RBBP8: variants seen among roughly 807,000 people sequenced by gnomAD.
RBBP8 encodes the protein DNA endonuclease RBBP8.
A neutral mutation model predicts 108.3 loss-of-function variants in RBBP8; 88 were observed. The observed-to-expected ratio is 0.81, with a 90% CI of 0.68 to 0.97. The LOEUF is 0.97. RBBP8 is among the 50% of genes least tolerant of loss of function. The pLI, the probability that RBBP8 is intolerant of heterozygous loss-of-function variation, is 0.00. For missense variants in RBBP8, 1,023 were observed against 1,049.0 expected (o/e 0.98, Z 0.34); for synonymous variants, 332 against 348.2 (o/e 0.95, Z 0.52).
chr18:22,938,297 G>GTTTGTT (rs139108773), intron 2 of RBBP8, among the ~76,000 whole-genome samples: 4 of 151,900 alleles, frequency 2.6e-5, no homozygotes, highest in Non-Finnish European at 4.4e-5. Flanking sequence ...TGCCCAGCTA[G>GTTTGTT]TTTGTTTTTG....
chr18:22,971,641 CTTTT>C (rs919907678), intron 5 of RBBP8, among the ~76,000 whole-genome samples: 3 of 109,276 alleles, frequency 2.7e-5, no homozygotes, highest in African/African-American at 1.1e-4. Flanking sequence ...TGTTTAATTT[CTTTT>C]TTTTTTTTTT....
chr18:22,982,518 T>C, intron 7 of RBBP8, 125 bp downstream of exon 7: 1 of 1,535,662 alleles, frequency 6.5e-7, no homozygotes. Flanking sequence ...GGTACAACTA[T>C]GAGTTTAACT....
Position 23,011,047 on chromosome 18 carries a change from T to C in RBBP8, c.2357+4615T>C, listed in dbSNP as rs144005402. 1.7e-3 allele frequency among the ~76,000 whole-genome samples: 253 copies of C among 152,348 alleles called. 1 individual carries two copies. The highest frequency in any genetic ancestry group is 2.6e-3 in the Non-Finnish European group (177 of 68,034). On this transcript the variant is annotated intron_variant, in intron 16 of 18. Transcript: ENST00000327155. ...GTGGCAATATTTTTTGTGTGTACTT[T>C]TCTGGTTTCCCTTTTCTAATTCACA... is the stretch of plus-strand genomic sequence containing the variant.
rs909434281 is a variant in RBBP8, at chr18:22,964,394, T to C, written c.249-4412T>C. 4.6e-5 allele frequency among the ~76,000 whole-genome samples: 7 copies of C among 151,074 alleles called. No individual in the cohort carries two copies. In the East Asian group the frequency reaches 1.3e-3, roughly 29 times the overall value. The stretch of plus-strand genomic sequence containing the variant: ...TTAGGTTTTTTTTTTTTTTTTCTTT[T>C]CAGTCCTTTAAGTAGTGGGCCATGT... On this transcript the variant is annotated intron_variant, in intron 4 of 18. Coordinates refer to ENST00000327155, the MANE Select transcript of RBBP8 (RefSeq NM_002894.3).
Position 22,982,330 on chromosome 18 carries a change from A to T in RBBP8, c.541A>T (p.Asn181Tyr), listed in dbSNP as rs748972422. 23 of 1,614,166 alleles carry T rather than the reference A, an allele frequency of 1.4e-5. 1 individual carries two copies. The South Asian group carries it at 2.5e-4, about 18-fold the overall frequency. The change falls in exon 7 of 19, where the codon AAC becomes TAC. Residue 181 changes from asparagine to tyrosine, a missense_variant. Asn to Tyr is a moderately radical substitution (Grantham distance 143). Transcript: ENST00000327155. ...CGTTAACCGGCTACGAAGAAAGGAG[A>T]ACCCCCATGTCCGATACATAGAACA... The part of the protein sequence containing the change: ...SGVNRLRRKE[N>Y]PHVRYIEQTH...
At chr18:22,920,702 T>A (rs1909559234) in intron 3 of RBBP8, 1 of 152,190 alleles carries the variant, frequency 6.6e-6, no homozygotes. Context: ...CCCAGGAGTA[T>A]TACTACTATA....
At position 22,957,931 on chromosome 18, in the gene RBBP8, T is replaced by C. The variant is rs369304731; in HGVS notation, c.248+8218T>C. ...TCCCTCTCCTGTATTTGAAAAGTTATTGTTTTAGCTCTTCTATTTTACCTT... is the reference window on the plus strand; with the variant it reads ...TCCCTCTCCTGTATTTGAAAAGTTACTGTTTTAGCTCTTCTATTTTACCTT... On this transcript the variant is annotated intron_variant, in intron 4 of 18. Coordinates refer to ENST00000327155, the MANE Select transcript of RBBP8 (RefSeq NM_002894.3). 1.0e-3 allele frequency among the ~76,000 whole-genome samples: 153 copies of C among 152,322 alleles called. 1 individual carries two copies. In the South Asian group the frequency reaches 0.03, roughly 30 times the overall value.
At chr18:22,925,534 T>G (rs986777895) in intron 3 of RBBP8, among the ~76,000 whole-genome samples, 1 of 152,242 alleles carries the variant, frequency 6.6e-6, no homozygotes, top group African/African-American at 2.4e-5. Context: ...GATATATCTG[T>G]AATCTGTGAA....
intron 3 of RBBP8, among the ~76,000 whole-genome samples, chr18:22,926,521 A>C (rs923300446): frequency 5.3e-5 from 8 of 152,250 alleles, no homozygotes; most frequent in Non-Finnish European, 4.4e-5. Flanking sequence ...GCAACTATGA[A>C]TATACTGTTT....
At chr18:22,938,902 G>C (rs778390628) in intron 2 of RBBP8, among the ~76,000 whole-genome samples, 4 of 152,096 alleles carry the variant, frequency 2.6e-5, no homozygotes, top group Non-Finnish European at 4.4e-5. Context: ...ACAGTTAAAA[G>C]GTTTTTATGA....
chr18:22,964,029 C>G (rs771730379), intron 4 of RBBP8, among the ~76,000 whole-genome samples: 5 of 152,222 alleles, frequency 3.3e-5, no homozygotes, highest in African/African-American at 1.2e-4. Flanking sequence ...AAATAATTCT[C>G]TTTCAGAATT....
intron 2 of RBBP8, 98 bp downstream of exon 2, chr18:22,937,058 A>G (rs764686910): frequency 2.6e-6 from 4 of 1,553,942 alleles, no homozygotes; most frequent in Admixed American, 1.9e-5. Context: ...TTTCTATTTC[A>G]GCTTTTAGGT....
chr18:22,920,130 C>G (rs1252833331), intron 3 of RBBP8, among the ~76,000 whole-genome samples: 2 of 151,816 alleles, frequency 1.3e-5, no homozygotes, highest in African/African-American at 2.4e-5. Context: ...CAAGACCAGC[C>G]TGGGAAACAA....
chr18:22,978,572 A>G (rs540207215), intron 6 of RBBP8, among the ~76,000 whole-genome samples: 19 of 152,058 alleles, frequency 1.2e-4, no homozygotes, highest in African/African-American at 2.9e-4. Context: ...CAGGAAATCA[A>G]TTGCTTCTCG....
chr18:22,917,483 T>C (rs775385083), intron 3 of RBBP8, among the ~76,000 whole-genome samples: 4 of 152,226 alleles, frequency 2.6e-5, no homozygotes, highest in Non-Finnish European at 5.9e-5. Flanking sequence ...AGATATCATG[T>C]AAAACACTTC....
chr18:22,985,493 T>A (rs1161462052), intron 8 of RBBP8, among the ~76,000 whole-genome samples: 1 of 152,074 alleles, frequency 6.6e-6, no homozygotes, highest in Non-Finnish European at 1.5e-5. Flanking sequence ...GGCAGAGAAA[T>A]TAGCAAGCCC....
At chr18:22,961,486 A>C (rs976581779) in intron 4 of RBBP8, among the ~76,000 whole-genome samples, 8 of 152,216 alleles carry the variant, frequency 5.3e-5, no homozygotes, top group Non-Finnish European at 8.8e-5. Flanking sequence ...CACTGTTAAC[A>C]AAATGGCTCA....
intron 5 of RBBP8, among the ~76,000 whole-genome samples, chr18:22,972,695 G>A (rs963639416): frequency 1.1e-4 from 17 of 152,060 alleles, no homozygotes; most frequent in Non-Finnish European, 2.2e-4. Flanking sequence ...ATTCTCTTCC[G>A]AATAATATAA....
At chr18:22,969,001 T>C (rs1913865133) in intron 5 of RBBP8, 83 bp downstream of exon 5, 3 of 1,033,294 alleles carry the variant, frequency 2.9e-6, no homozygotes, top group Non-Finnish European at 4.4e-6. Flanking sequence ...TGTAATTAAA[T>C]GGATGGTTTA....
Sources: gnomAD v4.1 joint callset for allele counts (sites outside exome capture counted in the v4.1 genomes callset) on GRCh38, gnomAD v4.1.1 for gene constraint, MANE v1.5 for transcripts, NCBI Gene and HGNC (gene_info 2026-07-23, HGNC 2026-07-21) for gene names.